Variants in CSPP1 observed in about 807,000 individuals in gnomAD.
CSPP1 encodes the protein centrosome and spindle pole-associated protein 1.
Under a neutral mutation model 164.4 loss-of-function variants are expected in CSPP1, and 126 were observed. The observed-to-expected ratio is 0.77, with a 90% CI of 0.66 to 0.89. The LOEUF (loss-of-function observed/expected upper bound fraction) is 0.89. Ranked by LOEUF, CSPP1 falls within the 40% of genes least tolerant of loss-of-function variation. The probability of loss-of-function intolerance (pLI) is 0.00; values close to 1 mark genes in which losing one functional copy is unlikely to be tolerated. For synonymous variants in CSPP1, 472 were observed against 476.7 expected (o/e 0.99, Z 0.13); for missense variants, 1,395 against 1,449.8 (o/e 0.96, Z 0.61).
intron 1 of CSPP1, among the ~76,000 whole-genome samples, chr8:67,067,261 G>C (rs776224226): frequency 6.6e-6 from 1 of 152,152 alleles, no homozygotes; most frequent in Non-Finnish European, 1.5e-5. Flanking sequence ...TTTTAACTGG[G>C]TTCTGTTTGT....
chr8:67,102,539 G>A lies in CSPP1; in HGVS notation c.924-498G>A, dbSNP rs928718847. On this transcript the variant is annotated intron_variant, in intron 7 of 30. Coordinates refer to ENST00000678616, the MANE Select transcript of CSPP1 (RefSeq NM_001382391.1). ...CAGGAGGTGGAGGTTGCAGTGAGCC[G>A]AGATTGTGCCACTGCACTCCAGCCT... 5.9e-5 allele frequency among the ~76,000 whole-genome samples: 9 copies of A among 152,160 alleles called. No individual in the cohort carries two copies. In the East Asian group the frequency reaches 9.7e-4, roughly 16 times the overall value.
chr8:67,189,153 C>A (rs1459601361), intron 28 of CSPP1, among the ~76,000 whole-genome samples: 1 of 152,218 alleles, frequency 6.6e-6, no homozygotes, highest in African/African-American at 2.4e-5. Flanking sequence ...TAGGAACTCT[C>A]ATTCATTGCT....
chr8:67,189,080 T>C (rs1423451831), intron 28 of CSPP1, among the ~76,000 whole-genome samples: 2 of 152,148 alleles, frequency 1.3e-5, no homozygotes, highest in Non-Finnish European at 2.9e-5. Context: ...TACCACCACA[T>C]ACCTGCTAGA....
intron 3 of CSPP1, among the ~76,000 whole-genome samples, chr8:67,080,591 G>GGTCA (rs1808940941): frequency 6.6e-6 from 1 of 152,142 alleles, no homozygotes; most frequent in Non-Finnish European, 1.5e-5. Flanking sequence ...CAAGTTCAAG[G>GGTCA]GTCACCAGGA....
chr8:67,110,826 T>A (rs938669416), intron 9 of CSPP1, among the ~76,000 whole-genome samples: 3 of 152,006 alleles, frequency 2.0e-5, no homozygotes, highest in Admixed American at 6.6e-5. Context: ...AATTATTTTG[T>A]GTATTTTGCG....
chr8:67,087,334 G>T (rs1389010827), intron 4 of CSPP1, among the ~76,000 whole-genome samples: 1 of 152,060 alleles, frequency 6.6e-6, no homozygotes, highest in East Asian at 1.9e-4. Context: ...TTACAAAACT[G>T]GTTTTAAAAG....
At chr8:67,162,763 G>A (rs1405517642) in intron 22 of CSPP1, among the ~76,000 whole-genome samples, 1 of 152,118 alleles carries the variant, frequency 6.6e-6, no homozygotes, top group Non-Finnish European at 1.5e-5. Flanking sequence ...AACTGTGAAG[G>A]TGTGACAGCT....
At chr8:67,177,596 G>A in intron 26 of CSPP1, 84 bp from the exon 27 acceptor site, 1 of 849,202 alleles carries the variant, frequency 1.2e-6, no homozygotes, top group Non-Finnish European at 1.9e-6. Context: ...TAGAGAGCTA[G>A]TCAAAAAAGA....
intron 1 of CSPP1, chr8:67,064,933 G>C (rs1563461574): frequency 6.0e-6 from 1 of 165,900 alleles, no homozygotes; most frequent in Non-Finnish European, 1.3e-5. Context: ...GCTGCTGCCC[G>C]CGGTGTTGTT....
rs759906585 is a variant in CSPP1, at chr8:67,103,058, G to A, written c.945G>A (p.Gly315=). ...TAAGGATGCACAGGAACAAACGAGG[G>A]AATATGCCTCCTATGGAACATGATG... ...TNDRMHRNKR[G]NMPPMEHDGD... The change falls in exon 8 of 31, where the codon GGG becomes GGA. Residue 315 remains glycine (G), a synonymous_variant. Transcript: ENST00000678616. 43 of 1,609,420 alleles carry A rather than the reference G, an allele frequency of 2.7e-5. No homozygotes were observed. The highest frequency in any genetic ancestry group is 3.6e-5 in the Non-Finnish European group (42 of 1,176,022).
At chr8:67,076,426 T>C in intron 2 of CSPP1, 56 bp from the exon 3 acceptor site, 1 of 948,172 alleles carries the variant, frequency 1.1e-6, no homozygotes, top group Non-Finnish European at 1.6e-6. Context: ...AGATGAGTTG[T>C]ATATTTCATG....
At chr8:67,083,560 T>C (rs1300648420) in intron 3 of CSPP1, 1 of 138,912 alleles carries the variant, frequency 7.2e-6, no homozygotes, top group African/African-American at 2.7e-5. Flanking sequence ...TATATATATA[T>C]ATATATATAT....
intron 27 of CSPP1, 49 bp downstream of exon 27, chr8:67,177,775 A>G: frequency 8.0e-7 from 1 of 1,251,540 alleles, no homozygotes; most frequent in Non-Finnish European, 1.2e-6. Context: ...GGGATTAAAA[A>G]TCTTTAGGCA....
At chr8:67,135,714 G>A (rs970500034) in intron 16 of CSPP1, 1 of 152,152 alleles carries the variant, frequency 6.6e-6, no homozygotes, top group Admixed American at 6.5e-5. Flanking sequence ...ATGTTTACTG[G>A]AGTGGCACTT....
intron 1 of CSPP1, chr8:67,065,538 G>A: frequency 2.0e-6 from 2 of 980,874 alleles, no homozygotes; most frequent in South Asian, 9.4e-5. Context: ...AGCTATTGAG[G>A]TATTTTCTTT....
intron 7 of CSPP1, among the ~76,000 whole-genome samples, chr8:67,096,885 A>G (rs1812912651): frequency 6.6e-6 from 1 of 152,186 alleles, no homozygotes; most frequent in Admixed American, 6.5e-5. Flanking sequence ...ATAAAAATAA[A>G]TGAATAAAAT....
chr8:67,118,845 A>AT (rs1473516510), intron 15 of CSPP1, 24 bp downstream of exon 15: 5 of 1,523,362 alleles, frequency 3.3e-6, no homozygotes, highest in East Asian at 2.3e-5. Context: ...TAAAAGAATA[A>AT]TTTTTTCCCC....
chr8:67,127,970 C>T (rs1007181575), intron 15 of CSPP1, among the ~76,000 whole-genome samples: 1 of 152,146 alleles, frequency 6.6e-6, no homozygotes, highest in Non-Finnish European at 1.5e-5. Context: ...TTTTGATGTA[C>T]GCACAATCTG....
At chr8:67,156,011 G>A (rs367707313) in intron 19 of CSPP1, among the ~76,000 whole-genome samples, 6 of 152,224 alleles carry the variant, frequency 3.9e-5, no homozygotes, top group African/African-American at 9.6e-5. Flanking sequence ...CCTGTTGAAC[G>A]TAAAGGACCG....
Sources: gnomAD v4.1 joint callset for allele counts (sites outside exome capture counted in the v4.1 genomes callset) on GRCh38, gnomAD v4.1.1 for gene constraint, MANE v1.5 for transcripts, NCBI Gene and HGNC (gene_info 2026-07-23, HGNC 2026-07-21) for gene names.